The following SPATA6 variants were observed in gnomAD, a reference collection of about 807,000 sequenced individuals.
The protein encoded by SPATA6 is spermatogenesis associated 6, also known as spermatogenesis-associated protein 6.
SPATA6 carries 56 observed loss-of-function variants against 65.3 expected under a neutral mutation model. The observed-to-expected ratio is 0.86, with a 90% CI of 0.69 to 1.07. The LOEUF is 1.07. SPATA6 is among the 50% of genes least tolerant of loss of function. The probability of loss-of-function intolerance (pLI) is 0.00; values close to 1 mark genes in which losing one functional copy is unlikely to be tolerated. For missense variants in SPATA6, 590 were observed against 594.8 expected (o/e 0.99, Z 0.08); for synonymous variants, 199 against 213.2 (o/e 0.93, Z 0.58).
chr1:48,309,006 C>T (rs895562331), intron 11 of SPATA6, among the ~76,000 whole-genome samples: 4 of 152,070 alleles, frequency 2.6e-5, no homozygotes, highest in Non-Finnish European at 5.9e-5. Flanking sequence ...CCATTTCAAC[C>T]TTCTGAATAT....
chr1:48,437,515 G>A (rs1655050277), intron 3 of SPATA6, among the ~76,000 whole-genome samples: 1 of 151,954 alleles, frequency 6.6e-6, no homozygotes, highest in Non-Finnish European at 1.5e-5. Flanking sequence ...TATAATTTTT[G>A]AGCCAGTTAA....
intron 11 of SPATA6, among the ~76,000 whole-genome samples, chr1:48,327,850 AT>A (rs1320728384): frequency 6.6e-6 from 1 of 152,160 alleles, no homozygotes; most frequent in Non-Finnish European, 1.5e-5. Flanking sequence ...GGGTTGAAAC[AT>A]TATCTATTCT....
chr1:48,425,744 T>C (rs1205794286), intron 3 of SPATA6, among the ~76,000 whole-genome samples: 1 of 152,136 alleles, frequency 6.6e-6, no homozygotes, highest in Non-Finnish European at 1.5e-5. Context: ...AATCGTATTG[T>C]TTAATTAGAG....
At chr1:48,326,859 T>C (rs908915915) in intron 11 of SPATA6, among the ~76,000 whole-genome samples, 7 of 152,218 alleles carry the variant, frequency 4.6e-5, no homozygotes, top group Non-Finnish European at 1.0e-4. Flanking sequence ...ATTCATGATA[T>C]ATTAAAGACT....
chr1:48,426,022 T>C (rs1653802358), intron 3 of SPATA6, among the ~76,000 whole-genome samples: 1 of 152,058 alleles, frequency 6.6e-6, no homozygotes, highest in African/African-American at 2.4e-5. Context: ...AGAACAAGAA[T>C]CGCTAATGGA....
chr1:48,391,345 A>G (rs1650048266), intron 8 of SPATA6, among the ~76,000 whole-genome samples: 1 of 151,956 alleles, frequency 6.6e-6, no homozygotes, highest in South Asian at 2.1e-4. Flanking sequence ...CACGCCCACC[A>G]GCCTGGATAA....
At chr1:48,431,102 A>ACTT (rs1376681387) in intron 3 of SPATA6, among the ~76,000 whole-genome samples, 1 of 152,118 alleles carries the variant, frequency 6.6e-6, no homozygotes, top group Non-Finnish European at 1.5e-5. Flanking sequence ...AAAGTAACTA[A>ACTT]AAGAGAGCAG....
chr1:48,412,498 T>C (rs2147985799), intron 4 of SPATA6, among the ~76,000 whole-genome samples: 1 of 152,362 alleles, frequency 6.6e-6, no homozygotes, highest in South Asian at 2.1e-4. Context: ...TTTAGAACAA[T>C]GTATTAAAGT....
chr1:48,310,679 C>A (rs1645182690), intron 11 of SPATA6, among the ~76,000 whole-genome samples: 1 of 152,162 alleles, frequency 6.6e-6, no homozygotes, highest in Non-Finnish European at 1.5e-5. Context: ...ACAGAACAAT[C>A]AGGCAGAAGA....
At chr1:48,312,590 A>T (rs1434578370) in intron 11 of SPATA6, among the ~76,000 whole-genome samples, 1 of 152,166 alleles carries the variant, frequency 6.6e-6, no homozygotes, top group African/African-American at 2.4e-5. Context: ...AACCACAAAG[A>T]TGGGGAAAAA....
intron 3 of SPATA6, among the ~76,000 whole-genome samples, chr1:48,415,644 GA>G (rs34312507): frequency 0.46 from 62,075 of 136,140 alleles, 14,116 homozygotes; most frequent in African/African-American, 0.64. Flanking sequence ...AAAAAAGACT[GA>G]AAAAAAAAAC....
intron 9 of SPATA6, among the ~76,000 whole-genome samples, chr1:48,367,764 T>G (rs1314150339): frequency 6.6e-6 from 1 of 152,258 alleles, no homozygotes; most frequent in East Asian, 1.9e-4. Flanking sequence ...TGCCAGTCTG[T>G]GTCTTTTAAT....
At chr1:48,462,088 G>A (rs953726527) in intron 1 of SPATA6, among the ~76,000 whole-genome samples, 9 of 151,884 alleles carry the variant, frequency 5.9e-5, no homozygotes, top group South Asian at 2.1e-4. Context: ...GTAAACTATC[G>A]CAAGGACAAA....
chr1:48,333,610 C>T (rs1341631069), intron 11 of SPATA6, among the ~76,000 whole-genome samples: 3 of 152,126 alleles, frequency 2.0e-5, no homozygotes, highest in Non-Finnish European at 4.4e-5. Flanking sequence ...AGAACGAAGA[C>T]ATAGCATATC....
At chr1:48,326,857 T>C (rs1380460047) in intron 11 of SPATA6, among the ~76,000 whole-genome samples, 3 of 152,174 alleles carry the variant, frequency 2.0e-5, no homozygotes, top group East Asian at 1.9e-4. Context: ...TAATTCATGA[T>C]ATATTAAAGA....
intron 2 of SPATA6, among the ~76,000 whole-genome samples, chr1:48,452,370 G>T (rs1656645865): frequency 6.6e-6 from 1 of 150,968 alleles, no homozygotes; most frequent in Non-Finnish European, 1.5e-5. Flanking sequence ...ACAGTCATAA[G>T]TAAAATATCA....
chr1:48,314,874 C>A (rs755445892), intron 11 of SPATA6, among the ~76,000 whole-genome samples: 9 of 152,050 alleles, frequency 5.9e-5, no homozygotes, highest in East Asian at 5.8e-4. Flanking sequence ...ACCACCGATC[C>A]GACAGAAATA....
chr1:48,319,272 A>C lies in SPATA6; in HGVS notation c.1195-13394T>G, dbSNP rs185242427. On this transcript the variant is annotated intron_variant, in intron 11 of 12. Transcript: ENST00000371847. ...ACATAGAAAAGTTGGATTTCATCAA[A>C]ATTTTAAAAACTTTTATGCTTCAAA... Among the ~76,000 whole-genome samples, 569 of 152,318 alleles carry C rather than the reference A, an allele frequency of 3.7e-3. 4 individuals are homozygous for C. Among genetic ancestry groups the C allele is most frequent in the Non-Finnish European group, 4.8e-3 (324 of 68,024 alleles).
At chr1:48,270,234 T>C in the SPATA6 span, among the ~76,000 whole-genome samples, 21 of 152,124 alleles carry the variant, frequency 1.4e-4, 1 homozygote, top group Admixed American at 1.2e-3. Context: ...TAATTCTGCA[T>C]TGATGTGCCT....
Sources: gnomAD v4.1 joint callset for allele counts (sites outside exome capture counted in the v4.1 genomes callset) on GRCh38, gnomAD v4.1.1 for gene constraint, MANE v1.5 for transcripts, NCBI Gene and HGNC (gene_info 2026-07-23, HGNC 2026-07-21) for gene names.